CEP57: variants seen among roughly 807,000 people sequenced by gnomAD.
The protein encoded by CEP57 is centrosomal protein of 57 kDa.
A neutral mutation model predicts 68.0 loss-of-function variants in CEP57; 40 were observed. The ratio of observed to expected loss-of-function variants is 0.59; its 90% CI spans 0.46 to 0.77. CEP57 has a LOEUF of 0.77. Ranked by LOEUF, CEP57 falls within the 30% of genes least tolerant of loss-of-function variation. The pLI is 0.00. For missense variants in CEP57, 606 were observed against 580.7 expected, an observed-to-expected ratio of 1.04 and a Z score of -0.45; for synonymous variants, 219 against 198.7, an observed-to-expected ratio of 1.10 and a Z score of -0.86.
chr11:95,826,590 A>G (rs1178228810), intron 8 of CEP57: 1 of 140,854 alleles, frequency 7.1e-6, no homozygotes, highest in Admixed American at 6.7e-5. Context: ...CCAGAACTTA[A>G]AAGTTGAAGG....
intron 1 of CEP57, chr11:95,794,467 C>G (rs1036224691): frequency 2.7e-6 from 1 of 369,448 alleles, no homozygotes; most frequent in African/African-American, 2.1e-5. Flanking sequence ...TATCGTCCCA[C>G]TTGTAAATTT....
At chr11:95,829,105 C>A in intron 9 of CEP57, 82 bp from the exon 10 acceptor site, 2 of 1,413,646 alleles carry the variant, frequency 1.4e-6, no homozygotes, top group Non-Finnish European at 2.0e-6. Flanking sequence ...ACACATGGAG[C>A]AGTAACCCAT....
intron 1 of CEP57, among the ~76,000 whole-genome samples, chr11:95,798,485 G>A (rs938474992): frequency 6.6e-6 from 1 of 152,178 alleles, no homozygotes; most frequent in Non-Finnish European, 1.5e-5. Flanking sequence ...GAAGGAAAGT[G>A]GATGAACATT....
At chr11:95,809,402 G>A (rs931078763) in intron 2 of CEP57, among the ~76,000 whole-genome samples, 4 of 152,132 alleles carry the variant, frequency 2.6e-5, no homozygotes, top group South Asian at 2.1e-4. Context: ...CAAAAAATCA[G>A]TGAATCCAGG....
intron 10 of CEP57, 70 bp downstream of exon 10, chr11:95,829,401 A>T (rs1862905316): frequency 4.9e-6 from 7 of 1,424,496 alleles, no homozygotes; most frequent in Non-Finnish European, 6.9e-6. Flanking sequence ...TCAAATATTA[A>T]ATGATGACAC....
At chr11:95,806,909 C>T (rs1220455925) in intron 2 of CEP57, among the ~76,000 whole-genome samples, 1 of 152,210 alleles carries the variant, frequency 6.6e-6, no homozygotes, top group Non-Finnish European at 1.5e-5. Flanking sequence ...TGAGAACGGA[C>T]AGACTGCCTC....
At chr11:95,809,805 A>G (rs1454432850) in intron 2 of CEP57, among the ~76,000 whole-genome samples, 3 of 152,290 alleles carry the variant, frequency 2.0e-5, no homozygotes, top group Admixed American at 2.0e-4. Context: ...TTCTGAAACA[A>G]TTCCAATCAA....
chr11:95,829,306 C>G lies in CEP57; in HGVS notation c.1247C>G (p.Thr416Ser), dbSNP rs758520624. Residue 416 changes from threonine to serine, a missense_variant, in exon 10 of 11, where the codon ACT becomes AGT. Thr to Ser is a moderately conservative substitution (Grantham distance 58). Coordinates refer to ENST00000325542, the MANE Select transcript of CEP57 (RefSeq NM_014679.5). ...ATGGAAGCAAAAGCCAACCAAATAA[C>G]TAAAGTTCGAAAATACCAAGCCCAG... ...GRMEAKANQI[T>S]KVRKYQAQLE... 7.4e-6 allele frequency: 12 copies of G among 1,613,670 alleles called. No homozygotes were observed. The highest frequency in any genetic ancestry group is 1.0e-5 in the Non-Finnish European group (12 of 1,179,922).
chr11:95,827,999 T>A lies in CEP57; in HGVS notation c.1099T>A (p.Leu367Ile), dbSNP rs759922227. The A allele has an allele frequency of 5.6e-6, 9 of 1,613,940 alleles. No individual in the cohort carries two copies. The highest frequency in any genetic ancestry group is 8.5e-7 in the Non-Finnish European group (1 of 1,179,996). The change falls in exon 9 of 11, where the codon TTA (leucine) becomes ATA (isoleucine). Residue 367 changes from leucine (L) to isoleucine (I), a missense_variant. By Grantham distance (5) the Leu-to-Ile change is conservative. Transcript: ENST00000325542. ...GGAGTTGTCAGAAGTCTTACAGACT[T>A]TACAGGATGAATTTGGGCAAATGAG... ...NEELSEVLQTLQDEFGQMSFD... is the reference protein window; with the variant it reads ...NEELSEVLQTIQDEFGQMSFD...
At chr11:95,829,546 A>G (rs1424979059) in intron 10 of CEP57, among the ~76,000 whole-genome samples, 1 of 152,216 alleles carries the variant, frequency 6.6e-6, no homozygotes, top group Non-Finnish European at 1.5e-5. Flanking sequence ...ACATCTTTCA[A>G]ATACTGAATA....
chr11:95,820,618 CTTGGTG>C (rs1862482469), intron 6 of CEP57, among the ~76,000 whole-genome samples: 1 of 147,924 alleles, frequency 6.8e-6, no homozygotes, highest in Admixed American at 6.8e-5. Flanking sequence ...CATTTTGCAT[CTTGGTG>C]TTGGTGTGAT....
intron 1 of CEP57, among the ~76,000 whole-genome samples, chr11:95,792,135 G>T (rs546715654): frequency 1.3e-5 from 2 of 152,238 alleles, no homozygotes; most frequent in Admixed American, 6.5e-5. Flanking sequence ...GAGAGGTCTG[G>T]GGAAGTTAAG....
At chr11:95,791,565 A>T (rs1861078797) in intron 1 of CEP57, among the ~76,000 whole-genome samples, 2 of 152,176 alleles carry the variant, frequency 1.3e-5, no homozygotes, top group South Asian at 4.1e-4. Flanking sequence ...CAGAATAGAA[A>T]CCCTGCTTTG....
intron 9 of CEP57, 55 bp from the exon 10 acceptor site, chr11:95,829,132 C>A: frequency 1.3e-6 from 2 of 1,590,696 alleles, no homozygotes; most frequent in Non-Finnish European, 8.6e-7. Context: ...GTATAATAGA[C>A]CTAACCATGA....
chr11:95,830,095 T>TA (rs1427496980), intron 10 of CEP57, among the ~76,000 whole-genome samples: 1 of 152,214 alleles, frequency 6.6e-6, no homozygotes, highest in Non-Finnish European at 1.5e-5. Flanking sequence ...AGCCATATGA[T>TA]AGACACACAG....
At chr11:95,806,734 G>T (rs997939016) in intron 2 of CEP57, among the ~76,000 whole-genome samples, 1 of 152,180 alleles carries the variant, frequency 6.6e-6, no homozygotes, top group African/African-American at 2.4e-5. Context: ...GCTCAAACTG[G>T]GTGGAGCCCA....
At chr11:95,812,126 A>C (rs942150132) in intron 2 of CEP57, among the ~76,000 whole-genome samples, 3 of 152,220 alleles carry the variant, frequency 2.0e-5, no homozygotes, top group Non-Finnish European at 4.4e-5. Context: ...TTTAGAAAGT[A>C]CTTAAAATGC....
intron 7 of CEP57, 21 bp downstream of exon 7, chr11:95,821,999 CA>C (rs773606683): frequency 2.1e-5 from 32 of 1,523,238 alleles, no homozygotes; most frequent in Non-Finnish European, 2.8e-5. Context: ...AGAACCAAAT[CA>C]GGCAAAATGC....
rs1465431428 is a variant in CEP57 at position 95,818,987 on chromosome 11, T to G, written c.699+83T>G. 4.7e-6 allele frequency: 5 copies of G among 1,058,720 alleles called. No homozygotes were observed. The East Asian group carries it at 1.2e-4, about 26-fold the overall frequency. 65.6% of individuals were successfully genotyped at this position (1,058,720 alleles called of 1,614,324 possible). On this transcript the variant is annotated intron_variant, in intron 6 of 10. Transcript: ENST00000325542. ...AGTAAACAATTACATTTAGGTATCT[T>G]ACATTATTTGTATTTTAGAATAGTC...
Sources: gnomAD v4.1 joint callset for allele counts (sites outside exome capture counted in the v4.1 genomes callset) on GRCh38, gnomAD v4.1.1 for gene constraint, MANE v1.5 for transcripts, NCBI Gene and HGNC (gene_info 2026-07-23, HGNC 2026-07-21) for gene names.